PTDSS2: variants seen among roughly 807,000 people sequenced by gnomAD.
PTDSS2 encodes the protein phosphatidylserine synthase 2.
Under a neutral mutation model 64.7 loss-of-function variants are expected in PTDSS2, and 41 were observed. That is an observed-to-expected ratio of 0.63 (90% confidence interval 0.49 to 0.82). PTDSS2 has a LOEUF of 0.82. PTDSS2 is among the 40% of genes least tolerant of loss of function. The pLI is 0.00. For missense variants in PTDSS2, 485 were observed against 650.0 expected (o/e 0.75, Z 2.76); for synonymous variants, 297 against 277.8 (o/e 1.07, Z -0.69).
chr11:455,411 C>T (rs1006851344), intron 1 of PTDSS2, among the ~76,000 whole-genome samples: 4 of 152,204 alleles, frequency 2.6e-5, no homozygotes, highest in African/African-American at 7.2e-5. Context: ...GGCATCTGCA[C>T]TCCAGCCAGG....
At position 461,756 on chromosome 11, in the gene PTDSS2, C is replaced by T. The variant is rs1272395734; in HGVS notation, c.284+1468C>T. On this transcript the variant is annotated intron_variant, in intron 2 of 11. Coordinates refer to ENST00000308020, the MANE Select transcript of PTDSS2 (RefSeq NM_030783.3). The surrounding 1 kb of genome is among the most constrained non-coding windows in gnomAD (Gnocchi z 4.2). ...TCTTAGGCAGTCCCAGCGGGGGTCA[C>T]GTGCAGAACCTGCAGGCCCGGTGTG... 1.3e-5 allele frequency among the ~76,000 whole-genome samples: 2 copies of T among 152,118 alleles called. No individual in the cohort carries two copies. Among genetic ancestry groups the T allele is most frequent in the African/African-American group, 4.8e-5 (2 of 41,428 alleles).
In PTDSS2 at chr11:486,900, C is replaced by T. The variant is rs761646827; in HGVS notation, c.436-39C>T. 5 of 1,556,720 alleles carry T rather than the reference C, an allele frequency of 3.2e-6. No homozygotes were observed. The Admixed American group carries it at 6.1e-5, about 19-fold the overall frequency. On this transcript the variant is annotated intron_variant, in intron 4 of 11. Transcript: ENST00000308020. ...GATCTCCCGTTTCAAGTTGCCACCACTAACTGTAGCCCCGCTGACGGGGGC... is the reference window on the plus strand; with the variant it reads ...GATCTCCCGTTTCAAGTTGCCACCATTAACTGTAGCCCCGCTGACGGGGGC...
Position 460,215 on chromosome 11 carries a change from A to G in PTDSS2, c.211A>G (p.Ile71Val). The part of the protein sequence containing the change: ...WRAHTLTVLF[I>V]LTCTLGYVTL... The stretch of plus-strand genomic sequence containing the variant: ...AGCCCACACCTTAACCGTGCTCTTC[A>G]TCCTCACCTGTACGCTTGGCTATGT... The change falls in exon 2 of 12, where the codon ATC becomes GTC. Residue 71 changes from isoleucine to valine, a missense_variant. Ile to Val is a conservative substitution (Grantham distance 29). This residue lies in a region of PTDSS2 where 251 missense variants were observed against 348.0 expected (regional missense o/e 0.72). Coordinates refer to ENST00000308020, the MANE Select transcript of PTDSS2 (RefSeq NM_030783.3). This position sits in a 1 kb window ranked among gnomAD's most constrained non-coding sequence, Gnocchi z 5.8. The G allele has an allele frequency of 6.2e-7, 1 of 1,614,180 alleles. No individual in the cohort carries two copies.
At chr11:487,601 C>G in intron 6 of PTDSS2, 131 bp downstream of exon 6, 2 of 850,134 alleles carry the variant, frequency 2.4e-6, no homozygotes, top group East Asian at 5.0e-5. Context: ...ACTGCAGCCA[C>G]CCAGAGGTTC....
rs146816244 is a variant in PTDSS2, at chr11:470,204, A to G, written c.285-3691A>G. ...CGCTGCAGCCGAGGTGCCCGCAGAC[A>G]CCCCCAAGCCCAGTGGTCAGGTCAG... On this transcript the variant is annotated intron_variant, in intron 2 of 11. Coordinates refer to ENST00000308020, the MANE Select transcript of PTDSS2 (RefSeq NM_030783.3). This position sits in a 1 kb window ranked among gnomAD's most constrained non-coding sequence, Gnocchi z 5.3. 6.6e-6 allele frequency among the ~76,000 whole-genome samples: 1 copy of G among 151,854 alleles called. No homozygotes were observed. The highest frequency in any genetic ancestry group is 1.5e-5 in the Non-Finnish European group (1 of 67,926).
intron 2 of PTDSS2, among the ~76,000 whole-genome samples, chr11:472,097 AGCCTGGGGTGACGCGGATGGCG>A (rs1183014669): frequency 1.1e-4 from 10 of 87,270 alleles, no homozygotes; most frequent in Admixed American, 1.1e-3. Context: ...CACAGATGGT[AGCCTGGGGTGACGCGGATGGCG>A]GCCTGGGGTG....
In PTDSS2 at chr11:479,054, C is replaced by T. The variant is rs765123880; in HGVS notation, c.368-31C>T. On this transcript the variant is annotated intron_variant, in intron 3 of 11. Transcript: ENST00000308020. The surrounding 1 kb of genome is among the most constrained non-coding windows in gnomAD (Gnocchi z 4.2). ...CGGGGCCGTGGAGGCCTGGACCGGG[C>T]GCACTAACGTTCTGTCGTCTGTCTT... 8.8e-6 allele frequency: 14 copies of T among 1,599,726 alleles called. No individual in the cohort carries two copies. The highest frequency in any genetic ancestry group is 3.3e-5 in the South Asian group (3 of 90,828).
chr11:460,144 T>C lies in PTDSS2; in HGVS notation c.183-43T>C, dbSNP rs1299015996. ...CTGTTACGTGAGTATTTAGCAATGC[T>C]GCCCAAGCTCTGACACCATGCTTAT... On this transcript the variant is annotated intron_variant, in intron 1 of 11. Transcript: ENST00000308020. The surrounding 1 kb of genome is among the most constrained non-coding windows in gnomAD (Gnocchi z 5.8). 1.3e-6 allele frequency: 2 copies of C among 1,524,320 alleles called. No homozygotes were observed. The highest frequency in any genetic ancestry group is 1.1e-5 in the South Asian group (1 of 89,068). 94.4% of individuals were successfully genotyped at this position (1,524,320 alleles called of 1,614,324 possible).
At chr11:456,170 CTTTTTTTTT>C (rs71022912) in intron 1 of PTDSS2, among the ~76,000 whole-genome samples, 1 of 114,894 alleles carries the variant, frequency 8.7e-6, no homozygotes, top group South Asian at 2.8e-4. Flanking sequence ...TTCTTTCATT[CTTTTTTTTT>C]TTTTTTTTTT....
In PTDSS2 at chr11:488,179, G is replaced by GCTGA; in HGVS notation, c.622-18_622-15dup. 1.3e-6 allele frequency: 2 copies of GCTGA among 1,582,576 alleles called. No individual in the cohort carries two copies. The highest frequency in any genetic ancestry group is 1.7e-6 in the Non-Finnish European group (2 of 1,152,760). On this transcript the variant is annotated intron_variant, in intron 6 of 11. Coordinates refer to ENST00000308020, the MANE Select transcript of PTDSS2 (RefSeq NM_030783.3). ...GGTGTGGCCGGCGTCCCATACTCTG[G>GCTGA]CTGACCCTGGCGCCCACAGACCCTG...
intron 4 of PTDSS2, among the ~76,000 whole-genome samples, chr11:485,137 C>T (rs1377791839): frequency 2.6e-5 from 3 of 114,676 alleles, no homozygotes; most frequent in East Asian, 2.8e-4. Flanking sequence ...TCACTGTGTG[C>T]GCAGGCGAGT....
At chr11:475,213 C>CGGACATATTCACACG (rs1564979844) in intron 3 of PTDSS2, among the ~76,000 whole-genome samples, 1 of 62,304 alleles carries the variant, frequency 1.6e-5, no homozygotes, top group African/African-American at 8.4e-5. Flanking sequence ...ATAATCACGT[C>CGGACATATTCACACG]TTTGTGTATA....
At chr11:457,366 G>A (rs1256065133) in intron 1 of PTDSS2, among the ~76,000 whole-genome samples, 3 of 152,230 alleles carry the variant, frequency 2.0e-5, no homozygotes, top group African/African-American at 4.8e-5. Context: ...TCCTTGAGTC[G>A]TGTGTGGGTG....
At chr11:469,549 A>G (rs1185579663) in intron 2 of PTDSS2, among the ~76,000 whole-genome samples, 2 of 151,974 alleles carry the variant, frequency 1.3e-5, no homozygotes, top group African/African-American at 4.8e-5. Flanking sequence ...GGGTAATCAG[A>G]GGGACGAGGT....
At position 470,294 on chromosome 11, in the gene PTDSS2, ACG is replaced by A. The variant is rs1266452735; in HGVS notation, c.285-3600_285-3599del. Among the ~76,000 whole-genome samples the A allele has an allele frequency of 5.3e-5, 8 of 152,186 alleles. No homozygotes were observed. Among genetic ancestry groups the A allele is most frequent in the Non-Finnish European group, 1.0e-4 (7 of 68,028 alleles). ...CTGCTGCCCCATCCTCCCAACCCCG[ACG>A]ACCCCAGCCCGGCCATGCAGAGGCA... On this transcript the variant is annotated intron_variant, in intron 2 of 11. Transcript: ENST00000308020. The surrounding 1 kb of genome is among the most constrained non-coding windows in gnomAD (Gnocchi z 5.3).
chr11:488,146 C>T, intron 6 of PTDSS2, 53 bp from the exon 7 acceptor site: 1 of 1,368,370 alleles, frequency 7.3e-7, no homozygotes, highest in Non-Finnish European at 1.0e-6. Flanking sequence ...CACCCGTGGG[C>T]AGGGCCGGGT....
chr11:473,335 G>GCT (rs1847568472), intron 2 of PTDSS2, among the ~76,000 whole-genome samples: 2 of 152,236 alleles, frequency 1.3e-5, no homozygotes, highest in African/African-American at 4.8e-5. Context: ...AGACACAGGA[G>GCT]CTCTCTAGAG....
intron 2 of PTDSS2, among the ~76,000 whole-genome samples, chr11:466,911 C>T (rs1324711306): frequency 6.6e-6 from 1 of 152,112 alleles, no homozygotes; most frequent in Non-Finnish European, 1.5e-5. Context: ...AAAAATTAGC[C>T]AGGCGTGGTG....
chr11:478,311 T>A (rs1480895494), intron 3 of PTDSS2, among the ~76,000 whole-genome samples: 2 of 151,384 alleles, frequency 1.3e-5, no homozygotes, highest in East Asian at 3.9e-4. Flanking sequence ...ATACAAAAAT[T>A]AGCTGGATGT....
Sources: gnomAD v4.1 joint callset for allele counts (sites outside exome capture counted in the v4.1 genomes callset) on GRCh38, gnomAD v4.1.1 for gene constraint, gnomAD v4.1.1 regional missense constraint, Gnocchi (gnomAD v3.1) non-coding constraint, MANE v1.5 for transcripts, NCBI Gene and HGNC (gene_info 2026-07-23, HGNC 2026-07-21) for gene names.